ATP2C1: variants seen among roughly 807,000 people sequenced by gnomAD.
ATP2C1 encodes calcium-transporting ATPase type 2C member 1.
ATP2C1 carries 31 observed loss-of-function variants against 120.5 expected under a neutral mutation model. The observed-to-expected ratio is 0.26, with a 90% CI of 0.19 to 0.35. ATP2C1 has a LOEUF of 0.35. ATP2C1 is among the 10% of genes least tolerant of loss of function. ATP2C1 has a pLI of 1.00. For missense variants in ATP2C1, 731 were observed against 1,107.5 expected (o/e 0.66, Z 4.83); for synonymous variants, 351 against 358.7 (o/e 0.98, Z 0.24).
intron 17 of ATP2C1, among the ~76,000 whole-genome samples, chr3:130,973,170 G>C (rs1011564381): frequency 1.3e-5 from 2 of 151,974 alleles, no homozygotes; most frequent in Non-Finnish European, 1.5e-5. Flanking sequence ...AAAATGAGAA[G>C]ATTTTATCAA....
In ATP2C1 at chr3:131,003,129, TA is replaced by T. The variant is rs779025005; in HGVS notation, c.*1784del. ...ATTCATTTGCTTTGTACTATAAAAATAAAAATGATTTCTTAAGTTAATGACA... is the reference window on the plus strand; with the variant it reads ...ATTCATTTGCTTTGTACTATAAAAATAAAATGATTTCTTAAGTTAATGACA... On this transcript the variant is annotated 3_prime_UTR_variant, in exon 28 of 28. Transcript: ENST00000510168. The T allele has an allele frequency of 2.0e-6, 2 of 982,840 alleles. No individual in the cohort carries two copies. The highest frequency in any genetic ancestry group is 2.4e-6 in the Non-Finnish European group (2 of 827,158). The allele number at this position is 982,840 out of a possible 1,614,324, so 60.9% of individuals were successfully genotyped here. A position where few individuals can be genotyped will look rare whatever the true frequency, so the allele number is the denominator to read the frequency against.
chr3:130,852,680 G>A (rs1014200310), intron 1 of ATP2C1, among the ~76,000 whole-genome samples: 1 of 152,178 alleles, frequency 6.6e-6, no homozygotes, highest in African/African-American at 2.4e-5. Context: ...AGAGAAATTA[G>A]GTCAGAGTTC....
chr3:130,979,513 G>A, intron 19 of ATP2C1, 94 bp downstream of exon 19: 2 of 1,299,730 alleles, frequency 1.5e-6, no homozygotes, highest in South Asian at 2.5e-5. Context: ...ATATGTTTAT[G>A]TAATATTGAG....
At position 130,894,549 on chromosome 3, in the gene ATP2C1, C is replaced by G. The variant is rs1351088685; in HGVS notation, c.-180-41C>G. On this transcript the variant is annotated intron_variant, in intron 1 of 27. Transcript: ENST00000510168. This position sits in a 1 kb window ranked among gnomAD's most constrained non-coding sequence, Gnocchi z 4.5. The stretch of plus-strand genomic sequence containing the variant: ...GTGGCTGGGCGGGGAACTCCTTCCT[C>G]AGCCTCTCGTCAGCGCCGCTTCTCC... The G allele has an allele frequency of 1.3e-5, 19 of 1,411,360 alleles. No individual in the cohort carries two copies. Among genetic ancestry groups the G allele is most frequent in the Non-Finnish European group, 1.7e-5 (18 of 1,083,712 alleles). The allele number at this position is 1,411,360 out of a possible 1,614,324, so 87.4% of individuals were successfully genotyped here.
At chr3:130,988,414 G>T (rs1183215416) in intron 20 of ATP2C1, among the ~76,000 whole-genome samples, 1 of 152,106 alleles carries the variant, frequency 6.6e-6, no homozygotes, top group Non-Finnish European at 1.5e-5. Flanking sequence ...ATGTGGCCTT[G>T]TTCTACTCTC....
At chr3:130,889,225 C>G (rs887401288), upstream of ATP2C1, among the ~76,000 whole-genome samples, 36 of 152,172 alleles carry the variant, frequency 2.4e-4, no homozygotes, top group Admixed American at 5.9e-4. Flanking sequence ...AACCAGAATA[C>G]CTGGAGAAAA....
chr3:130,921,986 T>G (rs758390297), intron 2 of ATP2C1, among the ~76,000 whole-genome samples: 2 of 152,200 alleles, frequency 1.3e-5, no homozygotes, highest in Non-Finnish European at 2.9e-5. Context: ...ATAGAATGAT[T>G]TACGGAGGAT....
intron 10 of ATP2C1, chr3:130,955,851 TAGAG>T (rs2060558062): frequency 5.3e-6 from 2 of 380,728 alleles, no homozygotes; most frequent in South Asian, 5.1e-5. Flanking sequence ...AAAGGAAGCA[TAGAG>T]AGAACGGACC....
intron 25 of ATP2C1, among the ~76,000 whole-genome samples, chr3:130,997,974 TA>T (rs1279930032): frequency 1.3e-5 from 2 of 152,148 alleles, no homozygotes; most frequent in African/African-American, 4.8e-5. Context: ...TCAGTTACAA[TA>T]AAAATACATG....
chr3:130,947,210 G>T (rs937625735), intron 8 of ATP2C1, among the ~76,000 whole-genome samples: 3 of 151,838 alleles, frequency 2.0e-5, no homozygotes, highest in Non-Finnish European at 2.9e-5. Context: ...TACTTAACCA[G>T]CTCTTAGACC....
chr3:130,985,071 G>C (rs577836292), intron 20 of ATP2C1, among the ~76,000 whole-genome samples: 1 of 152,222 alleles, frequency 6.6e-6, no homozygotes, highest in Non-Finnish European at 1.5e-5. Flanking sequence ...CACAAATGCA[G>C]ATGTATGAAA....
At chr3:130,963,098 G>A (rs1047563936) in intron 12 of ATP2C1, 1 of 151,946 alleles carries the variant, frequency 6.6e-6, no homozygotes, top group African/African-American at 2.4e-5. Context: ...CACAAAGAAA[G>A]ACTTGTTATT....
At chr3:130,983,500 A>G (rs557850566) in intron 20 of ATP2C1, among the ~76,000 whole-genome samples, 2 of 152,348 alleles carry the variant, frequency 1.3e-5, no homozygotes. Context: ...CATGGTTTAC[A>G]TTAAGGTTTA....
At chr3:130,883,945 C>CTT (rs35365168) in intron 1 of ATP2C1, among the ~76,000 whole-genome samples, 1,544 of 122,414 alleles carry the variant, frequency 0.013, 38 homozygotes, top group Middle Eastern at 0.026. Flanking sequence ...TTCTTTTCTT[C>CTT]TTTTTTTTTT....
chr3:130,970,407 C>CA (rs1559991359), intron 17 of ATP2C1, among the ~76,000 whole-genome samples: 6 of 146,210 alleles, frequency 4.1e-5, no homozygotes, highest in East Asian at 3.9e-4. Flanking sequence ...CACACACACA[C>CA]CCTTAAACTT....
At position 130,969,384 on chromosome 3, in the gene ATP2C1, C is replaced by A; in HGVS notation, c.1401C>A (p.His467Gln). ...EQKWMAVKCV[H>Q]RTQQDRPEIC... ...AGTGGATGGCTGTTAAGTGTGTACA[C>A]CGAACACAGCAGGTATCCATCTGTT... Residue 467 changes from histidine to glutamine, a missense_variant, in exon 17 of 28, where the codon CAC (histidine) becomes CAA (glutamine). By Grantham distance (24) the His-to-Gln change is conservative. Transcript: ENST00000510168. 1.9e-6 allele frequency: 3 copies of A among 1,611,478 alleles called. No homozygotes were observed. Among genetic ancestry groups the A allele is most frequent in the Non-Finnish European group, 2.5e-6 (3 of 1,177,702 alleles).
At chr3:130,999,308 GATAA>G (rs769350774) in intron 26 of ATP2C1, among the ~76,000 whole-genome samples, 15 of 151,998 alleles carry the variant, frequency 9.9e-5, no homozygotes, top group Non-Finnish European at 1.9e-4. Flanking sequence ...GCCTTTTCTT[GATAA>G]ATAAAATAAA....
At chr3:130,991,427 G>T (rs2108873876) in intron 20 of ATP2C1, among the ~76,000 whole-genome samples, 1 of 152,212 alleles carries the variant, frequency 6.6e-6, no homozygotes, top group South Asian at 2.1e-4. Flanking sequence ...ATGGGAGACA[G>T]CAAGTATAGG....
At chr3:130,880,945 G>T (rs1045636700) in intron 1 of ATP2C1, among the ~76,000 whole-genome samples, 29 of 152,314 alleles carry the variant, frequency 1.9e-4, no homozygotes, top group East Asian at 5.8e-4. Flanking sequence ...AAGGACAGGG[G>T]ACAAGTTCAG....
Sources: gnomAD v4.1 joint callset for allele counts (sites outside exome capture counted in the v4.1 genomes callset) on GRCh38, gnomAD v4.1.1 for gene constraint, Gnocchi (gnomAD v3.1) non-coding constraint, MANE v1.5 for transcripts, NCBI Gene and HGNC (gene_info 2026-07-23, HGNC 2026-07-21) for gene names.